Variants in TNC observed in about 807,000 individuals in gnomAD.
TNC encodes the protein tenascin C, also known as tenascin.
Under a neutral mutation model 202.4 loss-of-function variants are expected in TNC, and 109 were observed. The observed-to-expected ratio is 0.54, with a 90% CI of 0.46 to 0.63. The LOEUF is 0.63. Among genes scored for constraint, TNC ranks in the 30% least tolerant of loss-of-function variants. The pLI is 0.00. For missense variants in TNC, 2,756 were observed against 2,833.3 expected (o/e 0.97, Z 0.62); for synonymous variants, 1,007 against 1,089.7 (o/e 0.92, Z 1.50).
At position 115,069,638 on chromosome 9, in the gene TNC, C is replaced by T. The variant is rs868052486; in HGVS notation, c.3214+3965G>A. Among the ~76,000 whole-genome samples the T allele has an allele frequency of 1.3e-3, 14 of 11,094 alleles. 2 individuals carry two copies. Among genetic ancestry groups the T allele is most frequent in the African/African-American group, 3.1e-3 (8 of 2,590 alleles). The allele number at this position is 11,094 out of a possible 152,430, so 7.3% of individuals were successfully genotyped here. A position where few individuals can be genotyped will look rare whatever the true frequency, so the allele number is the denominator to read the frequency against. On this transcript the variant is annotated intron_variant, in intron 10 of 27. Coordinates refer to ENST00000350763, the MANE Select transcript of TNC (RefSeq NM_002160.4). ...TCCCTCTCTCCCTCCCTCCCTCCCT[C>T]CCTTCCTCCCTCCCTCCCTCCCTCC... is the stretch of plus-strand genomic sequence containing the variant.
Position 115,020,984 on chromosome 9 carries a change from A to G in TNC, c.*173T>C. 3.6e-6 allele frequency: 2 copies of G among 563,160 alleles called. No individual in the cohort carries two copies. The highest frequency in any genetic ancestry group is 6.3e-6 in the Non-Finnish European group (2 of 319,104). The allele number at this position is 563,160 out of a possible 1,614,324, so 34.9% of individuals were successfully genotyped here. ...TCTTTGGTGCAAAGAAAGAAATCAC[A>G]GAGGAGGTGAGGCCCATGCTGTTGC... On this transcript the variant is annotated 3_prime_UTR_variant, in exon 28 of 28. Transcript: ENST00000350763.
intron 13 of TNC, among the ~76,000 whole-genome samples, chr9:115,060,210 AC>A (rs1832443753): frequency 6.6e-6 from 1 of 152,198 alleles, no homozygotes; most frequent in Admixed American, 6.5e-5. Context: ...GGAAATATCT[AC>A]ATGGTTTATC....
chr9:115,089,543 C>T (rs554540548), intron 2 of TNC, among the ~76,000 whole-genome samples: 7 of 152,140 alleles, frequency 4.6e-5, no homozygotes, highest in African/African-American at 1.4e-4. Flanking sequence ...TCTTGTCACT[C>T]AGGCTGGAGT....
At chr9:115,085,031 C>T (rs909105994) in intron 3 of TNC, among the ~76,000 whole-genome samples, 2 of 151,956 alleles carry the variant, frequency 1.3e-5, no homozygotes, top group Non-Finnish European at 2.9e-5. Flanking sequence ...TGTTTAGATA[C>T]CAATAACTTT....
At chr9:115,051,197 CA>C (rs1166640686) in intron 15 of TNC, among the ~76,000 whole-genome samples, 2 of 152,052 alleles carry the variant, frequency 1.3e-5, no homozygotes, top group African/African-American at 2.4e-5. Context: ...CAGCATTTGC[CA>C]AATTGAACAT....
At chr9:115,064,161 C>A (rs2132652690) in intron 11 of TNC, 93 bp from the exon 12 acceptor site, 1 of 1,317,656 alleles carries the variant, frequency 7.6e-7, no homozygotes, top group Non-Finnish European at 1.0e-6. Flanking sequence ...AATAATATTA[C>A]TGAAAAAATG....
At position 115,081,774 on chromosome 9, in the gene TNC, G is replaced by A; in HGVS notation, c.2402C>T (p.Thr801Ile). The A allele has an allele frequency of 3.1e-6, 5 of 1,614,018 alleles. No homozygotes were observed. Among genetic ancestry groups the A allele is most frequent in the Non-Finnish European group, 4.2e-6 (5 of 1,179,942 alleles). The change falls in exon 6 of 28, where the codon ACA (threonine) becomes ATA (isoleucine). Residue 801 changes from threonine to isoleucine, a missense_variant and splice_region_variant. Physicochemically the swap from Thr to Ile is moderately conservative, Grantham distance 89. Around this residue, in one of 2 missense-constraint regions of TNC, gnomAD observed 2,559 missense variants for 2,546.0 expected, o/e 1.01. Transcript: ENST00000350763. ...RGPGLKRVTT[T>I]RLDAPSQIEV... ...TAAGTATTAAAGGTGATACTCACGT[G>A]TGGTGGTCACCCTCTTCAGGCCAGG...
At position 115,059,910 on chromosome 9, in the gene TNC, G is replaced by A; in HGVS notation, c.4126C>T (p.His1376Tyr). ...ACCTCCTGCACCTGAATGACAAAGT[G>A]CTCATAGGCATTGTCAGCTGCGGTC... The part of the protein sequence containing the change: ...NWTAADNAYE[H>Y]FVIQVQEVNK... The change falls in exon 14 of 28, where the codon CAC (histidine) becomes TAC (tyrosine). Residue 1376 changes from histidine (H) to tyrosine (Y), a missense_variant. Physicochemically the swap from His to Tyr is moderately conservative, Grantham distance 83. Coordinates refer to ENST00000350763, the MANE Select transcript of TNC (RefSeq NM_002160.4). 1 of 1,614,120 alleles carries A rather than the reference G, an allele frequency of 6.2e-7. No homozygotes were observed. Among genetic ancestry groups the A allele is most frequent in the Non-Finnish European group, 8.5e-7 (1 of 1,180,014 alleles).
At chr9:115,096,739 TGA>T (rs1835825163) in intron 1 of TNC, among the ~76,000 whole-genome samples, 2 of 152,286 alleles carry the variant, frequency 1.3e-5, no homozygotes, top group South Asian at 4.1e-4. Flanking sequence ...CAGGTACAAG[TGA>T]GAAGCAATCC....
chr9:115,108,633 A>G (rs1158578617), intron 1 of TNC, among the ~76,000 whole-genome samples: 1 of 152,068 alleles, frequency 6.6e-6, no homozygotes, highest in Non-Finnish European at 1.5e-5. Flanking sequence ...ATTCCTTTTT[A>G]TTGTCTGCCT....
chr9:115,092,755 T>TC (rs1367531087), intron 1 of TNC, among the ~76,000 whole-genome samples: 1 of 151,508 alleles, frequency 6.6e-6, no homozygotes, highest in African/African-American at 2.4e-5. Flanking sequence ...TTGTATTTTT[T>TC]TTTTTTTTTT....
At chr9:115,024,671 T>C (rs191454877) in intron 26 of TNC, among the ~76,000 whole-genome samples, 56 of 152,330 alleles carry the variant, frequency 3.7e-4, no homozygotes, top group African/African-American at 1.2e-3. Flanking sequence ...ATACAAATAT[T>C]TATTAGTCAT....
chr9:115,103,912 A>C (rs2134109071), intron 1 of TNC, among the ~76,000 whole-genome samples: 1 of 152,280 alleles, frequency 6.6e-6, no homozygotes, highest in South Asian at 2.1e-4. Flanking sequence ...CACAATAATG[A>C]GATTCATATT....
chr9:115,034,340 TG>T (rs1830161026), intron 22 of TNC, among the ~76,000 whole-genome samples: 1 of 152,258 alleles, frequency 6.6e-6, no homozygotes, highest in Non-Finnish European at 1.5e-5. Flanking sequence ...TGACAAGCCC[TG>T]CCTGAGCTAA....
Position 115,064,867 on chromosome 9 carries a change from G to T in TNC, c.3267C>A (p.Gly1089=), listed in dbSNP as rs768735071. 13 of 1,614,144 alleles carry T rather than the reference G, an allele frequency of 8.1e-6. No homozygotes were observed. Among genetic ancestry groups the T allele is most frequent in the African/African-American group, 1.3e-5 (1 of 75,026 alleles). The change falls in exon 11 of 28, where the codon GGC becomes GGA. Residue 1089 remains glycine, a synonymous_variant. Transcript: ENST00000350763. Reference sequence around the variant, plus strand: ...CAGCTGCGGTCCAGTTGAGTCTGAGGCCATCCCAGCCAACCTCAGTCACGG... The same window carrying T: ...CAGCTGCGGTCCAGTTGAGTCTGAGTCCATCCCAGCCAACCTCAGTCACGG... The part of the protein sequence containing the change: ...NLTVTEVGWD[G]LRLNWTAADQ...
chr9:115,074,943 A>G (rs975126425), intron 9 of TNC, among the ~76,000 whole-genome samples: 9 of 152,342 alleles, frequency 5.9e-5, no homozygotes, highest in South Asian at 2.1e-4. Context: ...GGTGATGGGC[A>G]CAGGGGATCT....
chr9:115,062,819 A>G lies in TNC; in HGVS notation c.4033+98T>C, dbSNP rs1790069696. The G allele has an allele frequency of 1.4e-5, 20 of 1,382,644 alleles. No homozygotes were observed. In the South Asian group the frequency reaches 2.7e-4, roughly 19 times the overall value. 85.6% of individuals were successfully genotyped at this position (1,382,644 alleles called of 1,614,324 possible). ...TTAGAGATTCACGCTGTCTGTCAAC[A>G]ACATTGGGGTAGGATTCTGCCACAC... On this transcript the variant is annotated intron_variant, in intron 13 of 27. Coordinates refer to ENST00000350763, the MANE Select transcript of TNC (RefSeq NM_002160.4).
chr9:115,089,746 C>T (rs541573266), intron 2 of TNC, among the ~76,000 whole-genome samples: 3 of 152,286 alleles, frequency 2.0e-5, no homozygotes, highest in South Asian at 4.1e-4. Context: ...GTGATCCGCC[C>T]GCCTTAGCCT....
At chr9:115,083,688 C>T (rs1834483813) in intron 4 of TNC, among the ~76,000 whole-genome samples, 1 of 148,334 alleles carries the variant, frequency 6.7e-6, no homozygotes, top group Non-Finnish European at 1.5e-5. Context: ...TCACTACAAA[C>T]TCTGCCTCCT....
Sources: allele counts gnomAD v4.1 joint callset (sites outside exome capture counted in the v4.1 genomes callset), GRCh38; gene constraint gnomAD v4.1.1; regional missense constraint gnomAD v4.1.1; transcripts MANE v1.5; gene names NCBI Gene and HGNC (gene_info 2026-07-23, HGNC 2026-07-21).